Variants in PAX3 observed in about 807,000 individuals in gnomAD.
PAX3 encodes paired box protein Pax-3.
A neutral mutation model predicts 51.6 loss-of-function variants in PAX3; 14 were observed. The observed-to-expected ratio is 0.27, with a 90% CI of 0.18 to 0.42. The LOEUF is 0.42. Ranked by LOEUF, PAX3 falls within the 10% of genes least tolerant of loss-of-function variation. PAX3 has a pLI of 1.00. For synonymous variants in PAX3, 280 were observed against 253.4 expected (o/e 1.11, Z -1.00); for missense variants, 540 against 642.8 (o/e 0.84, Z 1.73).
chr2:222,237,326 G>GCGCACACACA (rs1553576203), intron 4 of PAX3, among the ~76,000 whole-genome samples: 2 of 146,456 alleles, frequency 1.4e-5, no homozygotes, highest in African/African-American at 5.1e-5. Context: ...TTTATCACAT[G>GCGCACACACA]CACACACACA....
chr2:222,290,824 A>G (rs1473388515), intron 4 of PAX3, among the ~76,000 whole-genome samples: 2 of 151,636 alleles, frequency 1.3e-5, no homozygotes, highest in Non-Finnish European at 2.9e-5. Context: ...GGCAGTTTCT[A>G]TTGATTAGTC....
At chr2:222,291,827 C>T (rs1316534967) in intron 4 of PAX3, among the ~76,000 whole-genome samples, 1 of 152,186 alleles carries the variant, frequency 6.6e-6, no homozygotes, top group Non-Finnish European at 1.5e-5. Flanking sequence ...AGTTTCTAGA[C>T]TTCAAACTGC....
intron 5 of PAX3, among the ~76,000 whole-genome samples, chr2:222,224,739 T>A (rs556872664): frequency 1.3e-5 from 2 of 152,278 alleles, no homozygotes; most frequent in South Asian, 4.1e-4. Context: ...ATTCCTAACA[T>A]ACAATCAATG....
chr2:222,292,695 C>T (rs1322959786), intron 4 of PAX3, among the ~76,000 whole-genome samples: 2 of 152,314 alleles, frequency 1.3e-5, no homozygotes, highest in East Asian at 3.9e-4. Flanking sequence ...CTCTATTCTG[C>T]AGCTAGGCCT....
At chr2:222,270,548 A>G (rs1418462993) in intron 4 of PAX3, among the ~76,000 whole-genome samples, 2 of 152,214 alleles carry the variant, frequency 1.3e-5, no homozygotes, top group Non-Finnish European at 2.9e-5. Flanking sequence ...TCTTCTCCTC[A>G]CTGGCCTTAT....
At chr2:222,221,729 T>G (rs1692201019) in intron 5 of PAX3, 1 of 328,528 alleles carries the variant, frequency 3.0e-6, no homozygotes, top group Admixed American at 4.2e-5. Context: ...GACAGCCTTC[T>G]GGGGAGGATA....
chr2:222,201,615 C>A, intron 8 of PAX3, 173 bp from the exon 9 acceptor site: 2 of 1,286,636 alleles, frequency 1.6e-6, no homozygotes, highest in Non-Finnish European at 1.1e-6. Flanking sequence ...TGGGATTATC[C>A]CCCATATGAT....
intron 4 of PAX3, among the ~76,000 whole-genome samples, chr2:222,260,707 C>T (rs921490733): frequency 9.3e-5 from 14 of 150,486 alleles, no homozygotes; most frequent in Admixed American, 3.3e-4. Context: ...TTCTCCTCCT[C>T]AGCTTCCTGA....
At chr2:222,209,696 C>CAAAAAAAAAAAAAAAAAAAAA (rs546468709) in intron 7 of PAX3, among the ~76,000 whole-genome samples, 2 of 61,348 alleles carry the variant, frequency 3.3e-5, no homozygotes, top group Admixed American at 1.9e-4. Context: ...TCTGTCTCTA[C>CAAAAAAAAAAAAAAAAAAAAA]AAAAAAAAAA....
intron 4 of PAX3, among the ~76,000 whole-genome samples, chr2:222,249,291 C>CT (rs1693337269): frequency 6.6e-6 from 1 of 152,106 alleles, no homozygotes; most frequent in African/African-American, 2.4e-5. Flanking sequence ...ACACTTGCCC[C>CT]TTTTTTTCTC....
At chr2:222,242,039 T>C (rs777618495) in intron 4 of PAX3, among the ~76,000 whole-genome samples, 1 of 152,238 alleles carries the variant, frequency 6.6e-6, no homozygotes, top group Non-Finnish European at 1.5e-5. Context: ...TTAAAGTCAT[T>C]GTTTCTAGCC....
At chr2:222,237,325 T>C (rs200101994) in intron 4 of PAX3, among the ~76,000 whole-genome samples, 99 of 40,576 alleles carry the variant, frequency 2.4e-3, no homozygotes, top group Admixed American at 3.7e-4. Context: ...TTTTATCACA[T>C]GCACACACAC....
chr2:222,284,574 G>T (rs1694762258), intron 4 of PAX3, among the ~76,000 whole-genome samples: 1 of 151,604 alleles, frequency 6.6e-6, no homozygotes, highest in African/African-American at 2.4e-5. Flanking sequence ...TTGACTTGGT[G>T]AAAGCAGACT....
chr2:222,239,412 G>C (rs2106107747), intron 4 of PAX3, among the ~76,000 whole-genome samples: 1 of 152,224 alleles, frequency 6.6e-6, no homozygotes, highest in South Asian at 2.1e-4. Flanking sequence ...AGAGACTTCA[G>C]CACCTGGAAG....
chr2:222,277,416 A>G (rs553331433), intron 4 of PAX3, among the ~76,000 whole-genome samples: 2 of 152,300 alleles, frequency 1.3e-5, no homozygotes, highest in African/African-American at 4.8e-5. Flanking sequence ...CCCACCTTTT[A>G]CAGGAACCCC....
intron 5 of PAX3, among the ~76,000 whole-genome samples, chr2:222,229,758 A>G (rs1444562145): frequency 6.6e-6 from 1 of 152,190 alleles, no homozygotes; most frequent in Non-Finnish European, 1.5e-5. Flanking sequence ...GTGAAAAAGA[A>G]AGGTTATCTT....
intron 4 of PAX3, among the ~76,000 whole-genome samples, chr2:222,292,397 C>T (rs1695075014): frequency 6.6e-6 from 1 of 152,198 alleles, no homozygotes; most frequent in Non-Finnish European, 1.5e-5. Context: ...GCTTTGTCTC[C>T]CAAGTTCATC....
chr2:222,201,480 G>A (rs759773741), intron 8 of PAX3, 38 bp from the exon 9 acceptor site: 6 of 1,613,238 alleles, frequency 3.7e-6, no homozygotes, highest in Admixed American at 1.7e-5. Flanking sequence ...GGTCATGCTG[G>A]GACAATTCAC....
At position 222,232,093 on chromosome 2, in the gene PAX3, G is replaced by A. The variant is rs773501490; in HGVS notation, c.777C>T (p.Thr259=). ...REELAQRAKL[T]EARVQVWFSN... is the part of the protein sequence containing the mutation. ...GCAACAGTACCTGTACTCGGGCCTC[G>A]GTGAGCTTCGCCCTCTGGGCCAGTT... The change falls in exon 5 of 9, where the codon ACC becomes ACT. Residue 259 remains threonine, a synonymous_variant. Transcript: ENST00000392070. The A allele has an allele frequency of 1.6e-5, 26 of 1,613,910 alleles. No individual in the cohort carries two copies. Among genetic ancestry groups the A allele is most frequent in the South Asian group, 7.7e-5 (7 of 91,076 alleles).
Sources: gnomAD v4.1 joint callset for allele counts (sites outside exome capture counted in the v4.1 genomes callset) on GRCh38, gnomAD v4.1.1 for gene constraint, MANE v1.5 for transcripts, NCBI Gene and HGNC (gene_info 2026-07-23, HGNC 2026-07-21) for gene names.